The following DAP variants were observed in gnomAD, a reference collection of about 807,000 sequenced individuals.
DAP encodes the protein death associated protein.
DAP carries 8 observed loss-of-function variants against 13.8 expected under a neutral mutation model. The observed-to-expected ratio is 0.58, with a 90% CI of 0.34 to 1.05. The LOEUF is 1.05. DAP is among the 50% of genes least tolerant of loss of function. The pLI is 0.03. For missense variants in DAP, 106 were observed against 133.2 expected, an observed-to-expected ratio of 0.80 and a Z score of 1.01; for synonymous variants, 47 against 47.5, an observed-to-expected ratio of 0.99 and a Z score of 0.04.
chr5:10,729,981 G>A (rs1010622272), intron 2 of DAP, among the ~76,000 whole-genome samples: 1 of 152,248 alleles, frequency 6.6e-6, no homozygotes, highest in East Asian at 1.9e-4. Flanking sequence ...TTCTGCAGAA[G>A]GCCTTGGCTA....
At position 10,729,516 on chromosome 5, in the gene DAP, ATCT is replaced by A. The variant is rs1739383060; in HGVS notation, c.152+18656_152+18658del. ...GAATGCTCAACAGATGTCATTTATA[ATCT>A]TCTTTATTCCTGACTTAGATAAATT... On this transcript the variant is annotated intron_variant, in intron 2 of 3. Transcript: ENST00000230895. Among the ~76,000 whole-genome samples, 10 of 152,320 alleles carry A rather than the reference ATCT, an allele frequency of 6.6e-5. No individual in the cohort carries two copies. The South Asian group carries it at 2.1e-3, about 32-fold the overall frequency.
intron 2 of DAP, among the ~76,000 whole-genome samples, chr5:10,734,610 CCT>C (rs1432519355): frequency 6.6e-6 from 1 of 152,164 alleles, no homozygotes; most frequent in Non-Finnish European, 1.5e-5. Context: ...GTGCTATTAC[CCT>C]GTGTTCCTAG....
intron 2 of DAP, among the ~76,000 whole-genome samples, chr5:10,696,303 C>A (rs1281656443): frequency 1.3e-5 from 2 of 152,160 alleles, no homozygotes; most frequent in Non-Finnish European, 2.9e-5. Flanking sequence ...AGCCCAGGCA[C>A]CACTTCCTGA....
At chr5:10,760,137 CTGAGTTTA>C (rs1432441869) in intron 1 of DAP, among the ~76,000 whole-genome samples, 1 of 152,198 alleles carries the variant, frequency 6.6e-6, no homozygotes, top group Non-Finnish European at 1.5e-5. Flanking sequence ...TCCTACAAGA[CTGAGTTTA>C]TGACACTAAG....
At chr5:10,705,831 GGTTAGGTGGGTATGCTGGACCAGGT>G (rs1214747301) in intron 2 of DAP, among the ~76,000 whole-genome samples, 1 of 152,118 alleles carries the variant, frequency 6.6e-6, no homozygotes, top group Non-Finnish European at 1.5e-5. Flanking sequence ...TGAAATCCTT[GGTTAGGTGGGTATGCTGGACCAGGT>G]GTGCTTGGTG....
chr5:10,760,897 C>G (rs11740244), intron 1 of DAP, 117 bp downstream of exon 1: 423,913 of 612,214 alleles, frequency 0.69, 152,884 homozygotes, highest in Non-Finnish European at 0.76. Context: ...GGCATCAAGG[C>G]CCGGAACCCG....
chr5:10,682,194 C>T (rs1310376781), intron 3 of DAP, among the ~76,000 whole-genome samples: 2 of 150,950 alleles, frequency 1.3e-5, no homozygotes, highest in Non-Finnish European at 3.0e-5. Context: ...CCAGTGCCCA[C>T]CAGCGTCCCT....
chr5:10,760,950 G>A lies in DAP; in HGVS notation c.55+64C>T, dbSNP rs1321056802. The A allele has an allele frequency of 3.7e-6, 4 of 1,082,480 alleles. No individual in the cohort carries two copies. The East Asian group carries it at 1.6e-4, about 43-fold the overall frequency. 67.1% of individuals were successfully genotyped at this position (1,082,480 alleles called of 1,614,324 possible). On this transcript the variant is annotated intron_variant, in intron 1 of 3. Transcript: ENST00000230895. Reference sequence around the variant, plus strand: ...GCCCTCCCCGCGGAGCCCCCGCCCGGCGCCCCCGGGTTCGAGCCCGCCCCC... The same window carrying A: ...GCCCTCCCCGCGGAGCCCCCGCCCGACGCCCCCGGGTTCGAGCCCGCCCCC...
At chr5:10,686,643 A>G (rs1738162337) in intron 2 of DAP, among the ~76,000 whole-genome samples, 2 of 152,222 alleles carry the variant, frequency 1.3e-5, no homozygotes, top group Non-Finnish European at 2.9e-5. Context: ...TATGAAGGCT[A>G]AGAGAGGTGA....
chr5:10,733,171 T>C (rs1000195103), intron 2 of DAP, among the ~76,000 whole-genome samples: 2 of 88,636 alleles, frequency 2.3e-5, no homozygotes, highest in Non-Finnish European at 2.6e-5. Flanking sequence ...TGTGTGTGTG[T>C]GTGTGTGTGT....
chr5:10,719,718 T>A (rs556331368), intron 2 of DAP, among the ~76,000 whole-genome samples: 2 of 152,260 alleles, frequency 1.3e-5, no homozygotes, highest in South Asian at 4.1e-4. Context: ...CCTGAAGGCA[T>A]AAGTAAGTTA....
intron 2 of DAP, among the ~76,000 whole-genome samples, chr5:10,708,304 A>G (rs1738750330): frequency 6.9e-6 from 1 of 145,122 alleles, no homozygotes; most frequent in South Asian, 2.1e-4. Flanking sequence ...ACACACACAC[A>G]TAGAGACACA....
At chr5:10,683,665 G>A in intron 2 of DAP, 94 bp from the exon 3 acceptor site, 1 of 1,152,876 alleles carries the variant, frequency 8.7e-7, no homozygotes, top group Non-Finnish European at 1.3e-6. Context: ...AGCCAGGCTG[G>A]AGGGCGTGGA....
At chr5:10,682,604 C>T (rs769829061) in intron 3 of DAP, among the ~76,000 whole-genome samples, 2 of 152,238 alleles carry the variant, frequency 1.3e-5, no homozygotes, top group Non-Finnish European at 2.9e-5. Context: ...CACCAGCGTC[C>T]CTGCAGGGCA....
At chr5:10,726,193 C>A (rs1171224677) in intron 2 of DAP, among the ~76,000 whole-genome samples, 1 of 152,264 alleles carries the variant, frequency 6.6e-6, no homozygotes, top group Non-Finnish European at 1.5e-5. Context: ...CGCCTCCCCT[C>A]TGGAGTCCTT....
At chr5:10,703,104 G>C (rs867233415) in intron 2 of DAP, among the ~76,000 whole-genome samples, 1 of 152,188 alleles carries the variant, frequency 6.6e-6, no homozygotes, top group Non-Finnish European at 1.5e-5. Flanking sequence ...GCCTGTTTCT[G>C]TTGATTCCCC....
chr5:10,710,898 C>T (rs1227394287), intron 2 of DAP, among the ~76,000 whole-genome samples: 1 of 152,126 alleles, frequency 6.6e-6, no homozygotes, highest in Admixed American at 6.5e-5. Flanking sequence ...CAAGCTGAGC[C>T]AGGGGAAGTG....
chr5:10,708,467 A>G (rs948569765), intron 2 of DAP, among the ~76,000 whole-genome samples: 7 of 151,968 alleles, frequency 4.6e-5, no homozygotes, highest in African/African-American at 1.7e-4. Context: ...ACACACACGC[A>G]CATATCTCCC....
intron 2 of DAP, among the ~76,000 whole-genome samples, chr5:10,740,801 A>G (rs1022405222): frequency 6.6e-6 from 1 of 152,270 alleles, no homozygotes; most frequent in Non-Finnish European, 1.5e-5. Flanking sequence ...AAAGAGAATA[A>G]AACAGACAGA....
Sources: allele counts gnomAD v4.1 joint callset (sites outside exome capture counted in the v4.1 genomes callset), GRCh38; gene constraint gnomAD v4.1.1; transcripts MANE v1.5; gene names NCBI Gene and HGNC (gene_info 2026-07-23, HGNC 2026-07-21).